HECW2: variants seen among roughly 807,000 people sequenced by gnomAD.
HECW2 encodes HECT, C2 and WW domain containing E3 ubiquitin protein ligase 2, also known as E3 ubiquitin-protein ligase HECW2.
In HECW2, 61 loss-of-function variants were observed where a neutral mutation model predicts 175.2. The observed-to-expected ratio is 0.35, with a 90% confidence interval of 0.28 to 0.43. HECW2 has a LOEUF of 0.43. Ranked by LOEUF, HECW2 falls within the 20% of genes least tolerant of loss-of-function variation. The probability of loss-of-function intolerance (pLI) is 1.00; values close to 1 mark genes in which losing one functional copy is unlikely to be tolerated. For missense variants in HECW2, 1,524 were observed against 2,000.5 expected (o/e 0.76, Z 4.54); for synonymous variants, 671 against 731.0 (o/e 0.92, Z 1.32).
At chr2:196,447,911 T>C (rs549112602) in intron 1 of HECW2, among the ~76,000 whole-genome samples, 3 of 152,086 alleles carry the variant, frequency 2.0e-5, no homozygotes, top group South Asian at 4.2e-4. Flanking sequence ...CAAAAAAAGC[T>C]AGCCATGCGT....
At chr2:196,504,071 A>C (rs1458013093) in intron 1 of HECW2, among the ~76,000 whole-genome samples, 3 of 152,022 alleles carry the variant, frequency 2.0e-5, no homozygotes, top group Admixed American at 6.5e-5. Context: ...CGAGGCGGGC[A>C]GATCATCTGA....
intron 15 of HECW2, among the ~76,000 whole-genome samples, chr2:196,278,133 A>AAAAAATATATATAT (rs531920307): frequency 1.5e-5 from 1 of 66,570 alleles, no homozygotes; most frequent in Non-Finnish European, 3.3e-5. Flanking sequence ...ATAATTAAAA[A>AAAAAATATATATAT]ATATATATAT....
intron 2 of HECW2, among the ~76,000 whole-genome samples, chr2:196,351,426 T>C (rs912974904): frequency 6.6e-6 from 1 of 152,162 alleles, no homozygotes; most frequent in Non-Finnish European, 1.5e-5. Flanking sequence ...AAACATATTC[T>C]AGATTTGGAA....
chr2:196,448,684 A>G (rs1260662583), intron 1 of HECW2, among the ~76,000 whole-genome samples: 1 of 152,184 alleles, frequency 6.6e-6, no homozygotes, highest in Non-Finnish European at 1.5e-5. Flanking sequence ...TATAGAAAGC[A>G]ATTATTTATT....
intron 1 of HECW2, among the ~76,000 whole-genome samples, chr2:196,486,445 C>A (rs974979957): frequency 1.3e-5 from 2 of 152,124 alleles, no homozygotes; most frequent in South Asian, 4.1e-4. Context: ...AGATGCAACC[C>A]CCCTGGGCTC....
chr2:196,364,668 C>T (rs1430442130), intron 2 of HECW2, among the ~76,000 whole-genome samples: 1 of 152,146 alleles, frequency 6.6e-6, no homozygotes, highest in African/African-American at 2.4e-5. Flanking sequence ...TGGTGCTAGG[C>T]ACTAGGAGGT....
intron 1 of HECW2, among the ~76,000 whole-genome samples, chr2:196,454,203 G>A (rs1443357990): frequency 1.3e-5 from 2 of 152,008 alleles, no homozygotes; most frequent in African/African-American, 2.4e-5. Context: ...CAAGCGATCC[G>A]CCCGCCTCGC....
intron 4 of HECW2, among the ~76,000 whole-genome samples, chr2:196,330,974 C>A (rs940366253): frequency 6.6e-6 from 1 of 151,974 alleles, no homozygotes; most frequent in Admixed American, 6.6e-5. Context: ...TGCTGCATTC[C>A]CCACACTCTT....
chr2:196,273,503 T>C (rs1453217207), intron 16 of HECW2, among the ~76,000 whole-genome samples: 1 of 152,216 alleles, frequency 6.6e-6, no homozygotes, highest in Non-Finnish European at 1.5e-5. Flanking sequence ...CAACTCAAGT[T>C]GTTTTTCAGG....
chr2:196,350,935 C>G (rs1466110012), intron 2 of HECW2, among the ~76,000 whole-genome samples: 1 of 152,202 alleles, frequency 6.6e-6, no homozygotes, highest in Non-Finnish European at 1.5e-5. Flanking sequence ...GAGAAGTCTA[C>G]AAATCTAAGC....
At chr2:196,274,480 A>G (rs1254443218) in intron 15 of HECW2, among the ~76,000 whole-genome samples, 2 of 152,228 alleles carry the variant, frequency 1.3e-5, no homozygotes, top group African/African-American at 4.8e-5. Flanking sequence ...AGTCTGCAAC[A>G]ACACAATCAA....
intron 2 of HECW2, among the ~76,000 whole-genome samples, chr2:196,387,505 A>G (rs965913926): frequency 6.6e-6 from 1 of 152,172 alleles, no homozygotes; most frequent in African/African-American, 2.4e-5. Context: ...TTGATCTTGC[A>G]CTTCCCAGCC....
At chr2:196,433,672 G>A (rs1023332644) in intron 1 of HECW2, among the ~76,000 whole-genome samples, 6 of 152,258 alleles carry the variant, frequency 3.9e-5, no homozygotes, top group African/African-American at 1.2e-4. Context: ...GCTGTCACAT[G>A]CCTGCGACCC....
At chr2:196,460,848 C>A (rs928432651) in intron 1 of HECW2, among the ~76,000 whole-genome samples, 3 of 133,862 alleles carry the variant, frequency 2.2e-5, no homozygotes, top group African/African-American at 7.9e-5. Flanking sequence ...TGGTATCAAA[C>A]TTCTGGCCTC....
chr2:196,545,248 A>T (rs13384152), intron 1 of HECW2, among the ~76,000 whole-genome samples: 5,951 of 152,276 alleles, frequency 0.039, 396 homozygotes, highest in African/African-American at 0.13. Context: ...CTTATAATTT[A>T]GATGGTTGGG....
At chr2:196,350,398 G>A (rs1040102726) in intron 2 of HECW2, among the ~76,000 whole-genome samples, 3 of 152,174 alleles carry the variant, frequency 2.0e-5, no homozygotes, top group African/African-American at 7.2e-5. Flanking sequence ...TAATTCTTGT[G>A]CTGCTCTTCC....
chr2:196,436,075 G>A (rs1467832765), intron 1 of HECW2, among the ~76,000 whole-genome samples: 1 of 152,164 alleles, frequency 6.6e-6, no homozygotes, highest in Non-Finnish European at 1.5e-5. Flanking sequence ...CAGAGCCCAA[G>A]CTTTGGCCCC....
At chr2:196,370,099 C>T (rs1413543544) in intron 2 of HECW2, among the ~76,000 whole-genome samples, 1 of 151,886 alleles carries the variant, frequency 6.6e-6, no homozygotes, top group African/African-American at 2.4e-5. Context: ...AGTCCCTCCC[C>T]TTAGCTGCCA....
chr2:196,527,620 T>C (rs886762240), intron 1 of HECW2, among the ~76,000 whole-genome samples: 2 of 152,182 alleles, frequency 1.3e-5, no homozygotes, highest in Non-Finnish European at 2.9e-5. Flanking sequence ...AGTGTCAAAT[T>C]TTACCCTACA....
Sources: allele counts gnomAD v4.1 joint callset (sites outside exome capture counted in the v4.1 genomes callset), GRCh38; gene constraint gnomAD v4.1.1; transcripts MANE v1.5; gene names NCBI Gene and HGNC (gene_info 2026-07-23, HGNC 2026-07-21).